The following PPP2R2A variants were observed in gnomAD, a reference collection of about 807,000 sequenced individuals.
The protein encoded by PPP2R2A is protein phosphatase 2 regulatory subunit Balpha, also known as serine/threonine-protein phosphatase 2A 55 kDa regulatory subunit B alpha isoform.
Under a neutral mutation model 53.2 loss-of-function variants are expected in PPP2R2A, and 9 were observed. The ratio of observed to expected loss-of-function variants is 0.17; its 90% CI spans 0.10 to 0.30. The LOEUF is 0.30. PPP2R2A is among the 10% of genes least tolerant of loss of function. The pLI is 1.00. For synonymous variants in PPP2R2A, 169 were observed against 174.2 expected (o/e 0.97, Z 0.23); for missense variants, 235 against 534.6 (o/e 0.44, Z 5.53).
At position 26,291,891 on chromosome 8, in the gene PPP2R2A, C is replaced by T. The variant is rs757663263; in HGVS notation, c.7+65C>T. The T allele has an allele frequency of 2.6e-5, 41 of 1,592,700 alleles. 1 individual carries two copies. Among genetic ancestry groups the T allele is most frequent in the Middle Eastern group, 3.3e-4 (2 of 6,006 alleles). On this transcript the variant is annotated intron_variant, in intron 1 of 9. Transcript: ENST00000380737. ...CTTCCTTATTCCTCCCTCCATCACC[C>T]CCTAGCGACCGCCCGCGCCTCGCGC...
intron 2 of PPP2R2A, among the ~76,000 whole-genome samples, chr8:26,331,618 A>G (rs1585367526): frequency 6.6e-6 from 1 of 152,204 alleles, no homozygotes; most frequent in African/African-American, 2.4e-5. Flanking sequence ...GATACGAGTT[A>G]TTATAGCCAG....
intron 2 of PPP2R2A, among the ~76,000 whole-genome samples, chr8:26,308,736 C>T (rs559743675): frequency 2.0e-5 from 3 of 152,288 alleles, no homozygotes; most frequent in South Asian, 4.1e-4. Context: ...TGACATCCTC[C>T]CATGAATCAT....
At chr8:26,297,326 T>C (rs1801586619) in intron 2 of PPP2R2A, among the ~76,000 whole-genome samples, 1 of 152,172 alleles carries the variant, frequency 6.6e-6, no homozygotes, top group African/African-American at 2.4e-5. Flanking sequence ...CAGGCTTGTT[T>C]TGAACTCCTG....
intron 3 of PPP2R2A, among the ~76,000 whole-genome samples, chr8:26,342,138 G>A (rs1204206929): frequency 6.6e-6 from 1 of 152,044 alleles, no homozygotes; most frequent in Non-Finnish European, 1.5e-5. Context: ...TCTGCTACAC[G>A]GAATCTCTGT....
chr8:26,363,912 A>G (rs774151206), intron 8 of PPP2R2A, 22 bp downstream of exon 8: 1 of 1,569,184 alleles, frequency 6.4e-7, no homozygotes, highest in East Asian at 2.3e-5. Flanking sequence ...TTTTCTTTCA[A>G]TGAGCATATA....
rs548893404 is a variant in PPP2R2A at position 26,338,580 on chromosome 8, C to T, written c.83-310C>T. Among the ~76,000 whole-genome samples, 12 of 152,294 alleles carry T rather than the reference C, an allele frequency of 7.9e-5. No homozygotes were observed. The highest frequency in any genetic ancestry group is 2.9e-4 in the African/African-American group (12 of 41,556). On this transcript the variant is annotated intron_variant, in intron 2 of 9. Coordinates refer to ENST00000380737, the MANE Select transcript of PPP2R2A (RefSeq NM_002717.4). The surrounding 1 kb of genome is among the most constrained non-coding windows in gnomAD (Gnocchi z 4.5). The stretch of plus-strand genomic sequence containing the variant: ...ATTAGCAAGATAATGTTTAAGGGTG[C>T]TATCAGAATGATTCACAAATTGTTG...
At chr8:26,291,963 G>T in intron 1 of PPP2R2A, 137 bp downstream of exon 1, 2 of 1,273,454 alleles carry the variant, frequency 1.6e-6, no homozygotes, top group Non-Finnish European at 2.1e-6. Flanking sequence ...GGTCCAGAGG[G>T]GTGGGGTGGG....
At chr8:26,320,628 C>T (rs1000546024) in intron 2 of PPP2R2A, among the ~76,000 whole-genome samples, 1 of 152,154 alleles carries the variant, frequency 6.6e-6, no homozygotes, top group Non-Finnish European at 1.5e-5. Flanking sequence ...GCAATTAGTT[C>T]ATACTGCTGA....
At chr8:26,300,637 C>T (rs1283869421) in intron 2 of PPP2R2A, among the ~76,000 whole-genome samples, 1 of 152,086 alleles carries the variant, frequency 6.6e-6, no homozygotes, top group Non-Finnish European at 1.5e-5. Context: ...AGGCAGATCA[C>T]GAGGTCAGGA....
chr8:26,370,050 C>T lies in PPP2R2A; in HGVS notation c.1065-84C>T. 21 of 1,424,714 alleles carry T rather than the reference C, an allele frequency of 1.5e-5. No homozygotes were observed. The highest frequency in any genetic ancestry group is 2.0e-5 in the Non-Finnish European group (21 of 1,035,660). The allele number at this position is 1,424,714 out of a possible 1,614,324, so 88.3% of individuals were successfully genotyped here. ...TTAAATCTGCTTTTGAAGTAGCTTC[C>T]TATGGTTTAATTGCCGAATCATTTT... On this transcript the variant is annotated intron_variant, in intron 9 of 9. Coordinates refer to ENST00000380737, the MANE Select transcript of PPP2R2A (RefSeq NM_002717.4). This position sits in a 1 kb window ranked among gnomAD's most constrained non-coding sequence, Gnocchi z 6.1.
Position 26,335,043 on chromosome 8 carries a change from T to C in PPP2R2A, c.83-3847T>C, listed in dbSNP as rs1184160998. ...GCACACTGGGATACACAGCCGAGGA[T>C]GCTTACAACTAGGGCTTACCGATCT... On this transcript the variant is annotated intron_variant, in intron 2 of 9. Coordinates refer to ENST00000380737, the MANE Select transcript of PPP2R2A (RefSeq NM_002717.4). 2.0e-5 allele frequency among the ~76,000 whole-genome samples: 3 copies of C among 152,156 alleles called. No homozygotes were observed. The East Asian group carries it at 5.8e-4, about 29-fold the overall frequency.
chr8:26,360,139 T>C lies in PPP2R2A; in HGVS notation c.347-30T>C, dbSNP rs764431521. The C allele has an allele frequency of 1.0e-5, 13 of 1,293,464 alleles. No homozygotes were observed. The highest frequency in any genetic ancestry group is 1.3e-5 in the Non-Finnish European group (12 of 904,420). 80.1% of individuals were successfully genotyped at this position (1,293,464 alleles called of 1,614,324 possible). A position where few individuals can be genotyped will look rare whatever the true frequency, so the allele number is the denominator to read the frequency against. ...TTAAAATGTTTTTCTTCTTCAGTAT[T>C]TTAAGGACTTTTCTTTATTTTCTTC... On this transcript the variant is annotated intron_variant, in intron 4 of 9. Coordinates refer to ENST00000380737, the MANE Select transcript of PPP2R2A (RefSeq NM_002717.4). The surrounding 1 kb of genome is among the most constrained non-coding windows in gnomAD (Gnocchi z 4.5).
intron 3 of PPP2R2A, among the ~76,000 whole-genome samples, chr8:26,343,282 T>A (rs974011186): frequency 6.6e-6 from 1 of 152,178 alleles, no homozygotes; most frequent in Non-Finnish European, 1.5e-5. Flanking sequence ...ATGTAAGAGC[T>A]AACATTTATA....
chr8:26,368,051 T>C (rs1290181951), intron 9 of PPP2R2A, among the ~76,000 whole-genome samples: 1 of 152,238 alleles, frequency 6.6e-6, no homozygotes, highest in Non-Finnish European at 1.5e-5. Flanking sequence ...ACAGAAATGC[T>C]GGCCTAATGA....
chr8:26,333,534 G>A (rs1172506539), intron 2 of PPP2R2A: 2 of 1,214,614 alleles, frequency 1.6e-6, no homozygotes, highest in Admixed American at 2.4e-5. Flanking sequence ...AAATCAAAGA[G>A]TGACTCCATA....
intron 2 of PPP2R2A, among the ~76,000 whole-genome samples, chr8:26,335,384 G>A (rs540407994): frequency 2.0e-4 from 31 of 152,290 alleles, no homozygotes; most frequent in African/African-American, 7.2e-4. Context: ...GAGAAAGGAG[G>A]AAGGAACACC....
intron 3 of PPP2R2A, among the ~76,000 whole-genome samples, chr8:26,342,846 G>A (rs999714046): frequency 6.6e-6 from 1 of 152,122 alleles, no homozygotes; most frequent in African/African-American, 2.4e-5. Context: ...TAATATGATA[G>A]TATTACCTTT....
In PPP2R2A at chr8:26,362,771, T is replaced by G. The variant is rs1805176524; in HGVS notation, c.725T>G (p.Phe242Cys). 1 of 1,613,926 alleles carries G rather than the reference T, an allele frequency of 6.2e-7. No homozygotes were observed. Among genetic ancestry groups the G allele is most frequent in the Non-Finnish European group, 8.5e-7 (1 of 1,179,928 alleles). Residue 242 changes from phenylalanine (F) to cysteine (C), a missense_variant, in exon 7 of 10, where the codon TTT (phenylalanine) becomes TGT (cysteine). Coordinates refer to ENST00000380737, the MANE Select transcript of PPP2R2A (RefSeq NM_002717.4). The surrounding 1 kb of genome is among the most constrained non-coding windows in gnomAD (Gnocchi z 4.4). ...AEFHPNSCNT[F>C]VYSSSKGTIR... ...TTTCATCCAAACAGCTGTAACACAT[T>G]TGTATACAGCAGCAGTAAAGGAACT... is the stretch of plus-strand genomic sequence containing the variant.
In PPP2R2A at chr8:26,291,536, A is replaced by T; in HGVS notation, c.-284A>T. The stretch of plus-strand genomic sequence containing the variant: ...CCAGCCGGCGCCATTTTGAAAGTGG[A>T]GTCGCCTGCCCCTGCCGCTGCCGCC... On this transcript the variant is annotated 5_prime_UTR_variant, in exon 1 of 10. Transcript: ENST00000380737. 1 of 363,482 alleles carries T rather than the reference A, an allele frequency of 2.8e-6. No individual in the cohort carries two copies. The highest frequency in any genetic ancestry group is 5.1e-6 in the Non-Finnish European group (1 of 196,332). The allele number at this position is 363,482 out of a possible 1,614,324, so 22.5% of individuals were successfully genotyped here.
Sources: gnomAD v4.1 joint callset for allele counts (sites outside exome capture counted in the v4.1 genomes callset) on GRCh38, gnomAD v4.1.1 for gene constraint, Gnocchi (gnomAD v3.1) non-coding constraint, MANE v1.5 for transcripts, NCBI Gene and HGNC (gene_info 2026-07-23, HGNC 2026-07-21) for gene names.